The following AFF1 variants were observed in gnomAD, a reference collection of about 807,000 sequenced individuals.
AFF1 encodes ALF transcription elongation factor 1.
Under a neutral mutation model 121.7 loss-of-function variants are expected in AFF1, and 48 were observed. That is an observed-to-expected ratio of 0.39 (90% CI 0.31 to 0.50). AFF1 has a LOEUF of 0.50. Ranked by LOEUF, AFF1 falls within the 20% of genes least tolerant of loss-of-function variation. The pLI is 0.76. For synonymous variants in AFF1, 613 were observed against 563.0 expected, an observed-to-expected ratio of 1.09 and a Z score of -1.26; for missense variants, 1,523 against 1,511.7, an observed-to-expected ratio of 1.01 and a Z score of -0.12.
chr4:87,070,560 T>C (rs2149675970), intron 4 of AFF1, among the ~76,000 whole-genome samples: 1 of 152,382 alleles, frequency 6.6e-6, no homozygotes, highest in African/African-American at 2.4e-5. Flanking sequence ...TCAGCCTAAA[T>C]ATGATGTATG....
intron 1 of AFF1, among the ~76,000 whole-genome samples, chr4:86,946,888 A>G (rs2149448010): frequency 6.6e-6 from 1 of 152,228 alleles, no homozygotes; most frequent in South Asian, 2.1e-4. Flanking sequence ...AAGCAGGTTG[A>G]GCATCTTCAC....
At chr4:87,015,107 T>A (rs1727167823) in intron 2 of AFF1, among the ~76,000 whole-genome samples, 1 of 152,212 alleles carries the variant, frequency 6.6e-6, no homozygotes, top group Admixed American at 6.5e-5. Flanking sequence ...AGTTGTTGTT[T>A]ATTTGCTGAA....
At chr4:86,986,633 C>T (rs1724299149) in intron 2 of AFF1, among the ~76,000 whole-genome samples, 2 of 151,784 alleles carry the variant, frequency 1.3e-5, no homozygotes, top group African/African-American at 4.8e-5. Flanking sequence ...AAATAAATCT[C>T]ATAAAAAAGA....
chr4:86,937,339 T>A (rs181931303), intron 1 of AFF1, among the ~76,000 whole-genome samples: 1 of 152,342 alleles, frequency 6.6e-6, no homozygotes, highest in African/African-American at 2.4e-5. Flanking sequence ...TGCTTTCTCC[T>A]ACATGCGTAA....
chr4:87,132,843 A>G (rs1353234030), intron 19 of AFF1, among the ~76,000 whole-genome samples: 1 of 152,194 alleles, frequency 6.6e-6, no homozygotes, highest in South Asian at 2.1e-4. Context: ...GGCCTGTGCC[A>G]CCACCATGCC....
intron 2 of AFF1, among the ~76,000 whole-genome samples, chr4:87,041,202 C>T (rs976098014): frequency 2.0e-5 from 3 of 152,084 alleles, no homozygotes; most frequent in African/African-American, 4.8e-5. Flanking sequence ...AGCTAGCTTT[C>T]GTTCAGTTGG....
intron 2 of AFF1, among the ~76,000 whole-genome samples, chr4:87,040,254 G>T (rs1041275985): frequency 1.3e-5 from 2 of 152,162 alleles, no homozygotes; most frequent in African/African-American, 4.8e-5. Context: ...TCTCAAAGGG[G>T]TCCTCTGTTA....
At chr4:87,131,039 A>C in intron 16 of AFF1, 44 bp from the exon 17 acceptor site, 1 of 1,602,778 alleles carries the variant, frequency 6.2e-7, no homozygotes, top group Non-Finnish European at 8.5e-7. Flanking sequence ...AACTAAATCA[A>C]GGTTTGTCTT....
intron 2 of AFF1, among the ~76,000 whole-genome samples, chr4:86,962,145 C>CTTTTTTTTTTTTT (rs3035474): frequency 1.6e-5 from 2 of 122,580 alleles, no homozygotes; most frequent in African/African-American, 6.0e-5. Flanking sequence ...GTTATTGTTT[C>CTTTTTTTTTTTTT]TTTTTTTTTT....
At chr4:87,124,978 C>G in intron 12 of AFF1, 59 bp from the exon 13 acceptor site, 1 of 1,396,462 alleles carries the variant, frequency 7.2e-7, no homozygotes, top group Non-Finnish European at 9.6e-7. Flanking sequence ...ATTTTCTTTT[C>G]TGTTTTGTCT....
chr4:86,955,038 T>C (rs1283483829), intron 2 of AFF1, among the ~76,000 whole-genome samples: 1 of 152,230 alleles, frequency 6.6e-6, no homozygotes, highest in Non-Finnish European at 1.5e-5. Context: ...TAATTATCCT[T>C]TTTGTTCCAC....
rs138999085 is a variant in AFF1, at chr4:87,124,887, C to A, written c.2467-150C>A. 2.8e-3 allele frequency: 1,326 copies of A among 467,306 alleles called. 20 individuals are homozygous for A. The highest frequency in any genetic ancestry group is 0.024 in the African/African-American group (1,193 of 50,496). 28.9% of individuals were successfully genotyped at this position (467,306 alleles called of 1,614,324 possible). A position where few individuals can be genotyped will look rare whatever the true frequency, so the allele number is the denominator to read the frequency against. ...ACTCCCCATCACACTCACACACAGA[C>A]ACACATGGTAAGTACTAAGAAGGTT... On this transcript the variant is annotated intron_variant, in intron 12 of 20. Coordinates refer to ENST00000395146, the MANE Select transcript of AFF1 (RefSeq NM_001166693.3).
At chr4:87,104,946 C>A (rs1725765488) in intron 8 of AFF1, among the ~76,000 whole-genome samples, 1 of 151,926 alleles carries the variant, frequency 6.6e-6, no homozygotes, top group Admixed American at 6.5e-5. Flanking sequence ...CTGTTCTTCC[C>A]ATTGATCAGT....
At position 87,114,890 on chromosome 4, in the gene AFF1, C is replaced by G. The variant is rs201899654; in HGVS notation, c.2057C>G (p.Pro686Arg). The G allele has an allele frequency of 2.5e-6, 4 of 1,612,890 alleles. No individual in the cohort carries two copies. Among genetic ancestry groups the G allele is most frequent in the African/African-American group, 1.3e-5 (1 of 74,984 alleles). The change falls in exon 12 of 21, where the codon CCC becomes CGC. Residue 686 changes from proline to arginine, a missense_variant. Pro to Arg is a moderately radical substitution (Grantham distance 103). Coordinates refer to ENST00000395146, the MANE Select transcript of AFF1 (RefSeq NM_001166693.3). ...AAGCACAAGAGCTCCCTCCCTGCCC[C>G]CTCTAAGGCTCTCTCAGGCCCAGAA... Reference protein sequence around the residue: ...KKKHKSSLPAPSKALSGPEPA... With the variant: ...KKKHKSSLPARSKALSGPEPA...
chr4:87,006,568 G>A (rs1000355857), intron 2 of AFF1, among the ~76,000 whole-genome samples: 5 of 152,232 alleles, frequency 3.3e-5, no homozygotes, highest in African/African-American at 1.2e-4. Flanking sequence ...GTAACACCAA[G>A]TATGCCCGTT....
At chr4:87,120,120 T>C (rs1196194884) in intron 12 of AFF1, among the ~76,000 whole-genome samples, 2 of 152,240 alleles carry the variant, frequency 1.3e-5, no homozygotes, top group African/African-American at 4.8e-5. Flanking sequence ...CTGTTCTGAA[T>C]CATGCGTTCC....
intron 2 of AFF1, chr4:86,949,949 A>G (rs1721183183): frequency 6.2e-7 from 1 of 1,614,094 alleles, no homozygotes; most frequent in South Asian, 1.1e-5. Flanking sequence ...CAGGTCCCGC[A>G]GGGCCATGTG....
At chr4:87,067,710 A>G (rs2280954) in intron 4 of AFF1, among the ~76,000 whole-genome samples, 59,559 of 152,042 alleles carry the variant, frequency 0.39, 11,887 homozygotes, top group Middle Eastern at 0.42. Context: ...TTGTAGTTGG[A>G]ACTCAGTTCC....
chr4:87,004,675 C>A (rs904599818), intron 2 of AFF1, among the ~76,000 whole-genome samples: 5 of 152,136 alleles, frequency 3.3e-5, no homozygotes, highest in African/African-American at 1.2e-4. Context: ...CATGTCAGTA[C>A]TCAAAAAGTT....
Sources: allele counts gnomAD v4.1 joint callset (sites outside exome capture counted in the v4.1 genomes callset), GRCh38; gene constraint gnomAD v4.1.1; transcripts MANE v1.5; gene names NCBI Gene and HGNC (gene_info 2026-07-23, HGNC 2026-07-21).